The following ADGRL1 variants were observed in gnomAD, a reference collection of about 807,000 sequenced individuals.
The protein encoded by ADGRL1 is adhesion G protein-coupled receptor L1.
In ADGRL1, 31 loss-of-function variants were observed where a neutral mutation model predicts 148.9. The ratio of observed to expected loss-of-function variants is 0.21; its 90% CI spans 0.16 to 0.28. The LOEUF is 0.28. ADGRL1 is among the 10% of genes least tolerant of loss of function. The probability of loss-of-function intolerance (pLI) is 1.00; values close to 1 mark genes in which losing one functional copy is unlikely to be tolerated. For synonymous variants in ADGRL1, 937 were observed against 900.3 expected (o/e 1.04, Z -0.73); for missense variants, 1,521 against 2,058.8 (o/e 0.74, Z 5.05).
intron 1 of ADGRL1, among the ~76,000 whole-genome samples, chr19:14,193,935 G>A (rs879554553): frequency 7.9e-5 from 12 of 152,196 alleles, no homozygotes; most frequent in Non-Finnish European, 1.8e-4. Flanking sequence ...CCAACCTCCA[G>A]AGCTGGGAGG....
intron 1 of ADGRL1, chr19:14,191,539 A>C (rs1172351489): frequency 2.3e-6 from 1 of 438,802 alleles, no homozygotes; most frequent in Non-Finnish European, 4.7e-6. Context: ...TACACAGCAG[A>C]AATTTACTTC....
At chr19:14,204,790 T>G (rs1972871515) in intron 1 of ADGRL1, among the ~76,000 whole-genome samples, 1 of 151,622 alleles carries the variant, frequency 6.6e-6, no homozygotes, top group Non-Finnish European at 1.5e-5. Flanking sequence ...GGCAGCCATT[T>G]TGAACCCCTC....
chr19:14,191,264 A>T (rs1192006739), intron 1 of ADGRL1: 2 of 456,558 alleles, frequency 4.4e-6, no homozygotes, highest in East Asian at 1.4e-4. Context: ...AGACGCAGAC[A>T]TGGGCCTCTG....
At chr19:14,188,301 G>A (rs768369923) in intron 1 of ADGRL1, among the ~76,000 whole-genome samples, 40 of 152,042 alleles carry the variant, frequency 2.6e-4, no homozygotes, top group Non-Finnish European at 1.2e-4. Flanking sequence ...ACACGTACAC[G>A]CTGGGCCAAT....
intron 4 of ADGRL1, chr19:14,169,150 G>A (rs1168937369): frequency 6.6e-6 from 1 of 152,264 alleles, no homozygotes; most frequent in Admixed American, 6.5e-5. Context: ...GCATGGGTCT[G>A]GGCGCTGGGG....
Position 14,155,889 on chromosome 19 carries a change from T to C in ADGRL1, c.3125+221A>G, listed in dbSNP as rs1968676280. ...AATTTAGCCTCAGCCTACATACCGA[T>C]GCCCCTAAAACCACAGGTTGGACGT... On this transcript the variant is annotated intron_variant, in intron 17 of 22. Transcript: ENST00000361434. The surrounding 1 kb of genome is among the most constrained non-coding windows in gnomAD (Gnocchi z 5.0). 3.4e-6 allele frequency: 2 copies of C among 589,226 alleles called. No homozygotes were observed. 36.5% of individuals were successfully genotyped at this position (589,226 alleles called of 1,614,324 possible). A position where few individuals can be genotyped will look rare whatever the true frequency, so the allele number is the denominator to read the frequency against.
chr19:14,167,958 G>C (rs563887391), intron 4 of ADGRL1, among the ~76,000 whole-genome samples: 7 of 152,140 alleles, frequency 4.6e-5, no homozygotes, highest in Non-Finnish European at 8.8e-5. Flanking sequence ...GAAGGGGCGC[G>C]GTTAGACTGT....
rs542671295 is a variant in ADGRL1 at position 14,194,481 on chromosome 19, C to G, written c.-95-10784G>C. Among the ~76,000 whole-genome samples, 190 of 152,350 alleles carry G rather than the reference C, an allele frequency of 1.2e-3. 1 individual carries two copies. Among genetic ancestry groups the G allele is most frequent in the African/African-American group, 4.3e-3 (180 of 41,574 alleles). ...GGACAGTGACGGACAGCTCCAAGTG[C>G]CAGCCCGAGCAGCTTCCACGTGTAA... On this transcript the variant is annotated intron_variant, in intron 1 of 22. Transcript: ENST00000361434.
chr19:14,165,630 C>T (rs1006618513), intron 4 of ADGRL1, among the ~76,000 whole-genome samples: 2 of 149,504 alleles, frequency 1.3e-5, no homozygotes, highest in African/African-American at 2.5e-5. Flanking sequence ...CCAGTGGTGC[C>T]GCATCCAAAC....
chr19:14,177,507 G>A (rs201696829), intron 3 of ADGRL1, 24 bp downstream of exon 3: 1 of 1,606,530 alleles, frequency 6.2e-7, no homozygotes, highest in East Asian at 2.2e-5. Flanking sequence ...CTTCATCCAG[G>A]AACTGCCACG....
At position 14,151,626 on chromosome 19, in the gene ADGRL1, G is replaced by T. The variant is rs1445432711; in HGVS notation, c.3668-11C>A. ...CTCCCAAGGGGTGCTCTGCAGGGCA[G>T]AAAGGGGCTGGTCAGGTTGAAGAGG... On this transcript the variant is annotated splice_polypyrimidine_tract_variant and intron_variant, in intron 22 of 22. Coordinates refer to ENST00000361434, the MANE Select transcript of ADGRL1 (RefSeq NM_014921.5). 1 of 1,581,810 alleles carries T rather than the reference G, an allele frequency of 6.3e-7. No homozygotes were observed. Among genetic ancestry groups the T allele is most frequent in the Admixed American group, 1.8e-5 (1 of 56,442 alleles).
In ADGRL1 at chr19:14,161,411, G is replaced by A; in HGVS notation, c.1411C>T (p.Pro471Ser). Residue 471 changes from proline to serine, a missense_variant, in exon 6 of 23, where the codon CCT becomes TCT. Around this residue, in one of 8 missense-constraint regions of ADGRL1, gnomAD observed 270 missense variants for 320.4 expected, o/e 0.84. Transcript: ENST00000361434. The surrounding 1 kb of genome is among the most constrained non-coding windows in gnomAD (Gnocchi z 4.4). ...TCTCGGGGCTCGCAGAAGAGCTCAGGGGACACGTGTAGATTCGGGGCTGGG... is the reference window on the plus strand; with the variant it reads ...TCTCGGGGCTCGCAGAAGAGCTCAGAGGACACGTGTAGATTCGGGGCTGGG... ...RPPAPNLHVS[P>S]ELFCEPREVR... is the part of the protein sequence containing the mutation. The A allele has an allele frequency of 1.9e-6, 3 of 1,558,184 alleles. No individual in the cohort carries two copies. The highest frequency in any genetic ancestry group is 2.6e-6 in the Non-Finnish European group (3 of 1,156,048).
chr19:14,204,357 G>A lies in ADGRL1; in HGVS notation c.-96+1628C>T, dbSNP rs1199738452. On this transcript the variant is annotated intron_variant, in intron 1 of 22. Coordinates refer to ENST00000361434, the MANE Select transcript of ADGRL1 (RefSeq NM_014921.5). ...CAGAGTCCCCTGCCGGGGGCAGACAGGAGAAGAGAATGAGGGGTGTGGACC... is the reference window on the plus strand; with the variant it reads ...CAGAGTCCCCTGCCGGGGGCAGACAAGAGAAGAGAATGAGGGGTGTGGACC... 6.6e-5 allele frequency among the ~76,000 whole-genome samples: 10 copies of A among 152,190 alleles called. No individual in the cohort carries two copies. In the South Asian group the frequency reaches 1.2e-3, roughly 19 times the overall value.
rs1371381370 is a variant in ADGRL1, at chr19:14,162,521, C to A, written c.1195+85G>T. 1 of 1,230,046 alleles carries A rather than the reference C, an allele frequency of 8.1e-7. No homozygotes were observed. Among genetic ancestry groups the A allele is most frequent in the Admixed American group, 1.9e-5 (1 of 51,566 alleles). 76.2% of individuals were successfully genotyped at this position (1,230,046 alleles called of 1,614,324 possible). A position where few individuals can be genotyped will look rare whatever the true frequency, so the allele number is the denominator to read the frequency against. ...ATCCCCAAGAGCTCACAGGATGGGG[C>A]TCCCCACTCTGGGACCCAGGGGTGG... On this transcript the variant is annotated intron_variant, in intron 5 of 22. Transcript: ENST00000361434. This position sits in a 1 kb window ranked among gnomAD's most constrained non-coding sequence, Gnocchi z 5.4.
intron 2 of ADGRL1, among the ~76,000 whole-genome samples, chr19:14,179,178 C>A (rs1183439290): frequency 1.3e-5 from 2 of 150,824 alleles, no homozygotes; most frequent in Non-Finnish European, 3.0e-5. Context: ...AGTGACATTC[C>A]ATCTCAAAAA....
Position 14,163,266 on chromosome 19 carries a change from T to C in ADGRL1, c.535A>G (p.Thr179Ala), listed in dbSNP as rs1203497033. The C allele has an allele frequency of 6.2e-7, 1 of 1,613,696 alleles. No individual in the cohort carries two copies. Among genetic ancestry groups the C allele is most frequent in the East Asian group, 2.2e-5 (1 of 44,870 alleles). ...GAGGCATACTCAGTCAGTGTGTCCG[T>C]GCGGTAGGGGATCCAGGGCATCACG... is the stretch of plus-strand genomic sequence containing the variant. ...IYVMPWIPYR[T>A]DTLTEYASWE... Residue 179 changes from threonine to alanine, a missense_variant, in exon 5 of 23, where the codon ACG (threonine) becomes GCG (alanine). Thr to Ala is a moderately conservative substitution (Grantham distance 58). Transcript: ENST00000361434.
In ADGRL1 at chr19:14,160,211, G is replaced by A. The variant is rs1969207356; in HGVS notation, c.1701C>T (p.Ser567=). The part of the protein sequence containing the change: ...RGSIYAGDVS[S]SVKLMEQLLD... ...GCAGCTGCTCCATCAGCTTCACAGA[G>A]GAGGAGACGTCCCCCGCGTAGATGG... Residue 567 remains serine (S), a synonymous_variant, in exon 8 of 23, where the codon TCC becomes TCT. Transcript: ENST00000361434. This position sits in a 1 kb window ranked among gnomAD's most constrained non-coding sequence, Gnocchi z 5.9. The A allele has an allele frequency of 1.9e-6, 3 of 1,603,100 alleles. No individual in the cohort carries two copies. The highest frequency in any genetic ancestry group is 1.3e-5 in the African/African-American group (1 of 74,854).
intron 3 of ADGRL1, among the ~76,000 whole-genome samples, chr19:14,174,171 G>A (rs762797387): frequency 1.2e-4 from 18 of 152,140 alleles, no homozygotes; most frequent in Non-Finnish European, 2.4e-4. Context: ...AGAGATAATG[G>A]AGAAGAATGC....
At chr19:14,179,673 G>C (rs1424477997) in intron 2 of ADGRL1, among the ~76,000 whole-genome samples, 1 of 151,922 alleles carries the variant, frequency 6.6e-6, no homozygotes, top group Admixed American at 6.6e-5. Context: ...TTGGGAGGTC[G>C]AGGTGGGCGA....
Sources: allele counts gnomAD v4.1 joint callset (sites outside exome capture counted in the v4.1 genomes callset), GRCh38; gene constraint gnomAD v4.1.1; regional missense constraint gnomAD v4.1.1; non-coding constraint Gnocchi (gnomAD v3.1); transcripts MANE v1.5; gene names NCBI Gene and HGNC (gene_info 2026-07-23, HGNC 2026-07-21).